CTNNA2: variants seen among roughly 807,000 people sequenced by gnomAD.
CTNNA2 encodes catenin alpha-2.
CTNNA2 carries 42 observed loss-of-function variants against 101.0 expected under a neutral mutation model. The observed-to-expected ratio is 0.42, with a 90% CI of 0.32 to 0.54. The LOEUF is 0.54. Ranked by LOEUF, CTNNA2 falls within the 20% of genes least tolerant of loss-of-function variation. CTNNA2 has a pLI of 0.14. For synonymous variants in CTNNA2, 450 were observed against 456.4 expected (o/e 0.99, Z 0.18); for missense variants, 871 against 1,223.1 (o/e 0.71, Z 4.29).
At chr2:79,537,249 A>G (rs1221736054) in intron 1 of CTNNA2, among the ~76,000 whole-genome samples, 1 of 152,156 alleles carries the variant, frequency 6.6e-6, no homozygotes, top group Non-Finnish European at 1.5e-5. Flanking sequence ...CTAGAAATTA[A>G]CAAGCCCTTG....
chr2:80,303,851 T>A lies in CTNNA2; in HGVS notation c.1057-89360T>A, dbSNP rs1481294140. On this transcript the variant is annotated intron_variant, in intron 7 of 18. Coordinates refer to ENST00000402739, the MANE Select transcript of CTNNA2 (RefSeq NM_001282597.3). The surrounding 1 kb of genome is among the most constrained non-coding windows in gnomAD (Gnocchi z 7.7). ...GAATCTTTCCAGAGAGACTGGAGAA[T>A]GTCCATTGGAAGCGCTCGGTCAGAA... 6.7e-6 allele frequency: 10 copies of A among 1,486,360 alleles called. No homozygotes were observed. The highest frequency in any genetic ancestry group is 9.0e-6 in the Non-Finnish European group (10 of 1,117,294). 92.1% of individuals were successfully genotyped at this position (1,486,360 alleles called of 1,614,324 possible). A position where few individuals can be genotyped will look rare whatever the true frequency, so the allele number is the denominator to read the frequency against.
chr2:79,188,867 C>T (rs1439168495), intron 1 of CTNNA2, among the ~76,000 whole-genome samples: 1 of 152,158 alleles, frequency 6.6e-6, no homozygotes, highest in Non-Finnish European at 1.5e-5. Flanking sequence ...AAATTACCCT[C>T]CACTCCATTG....
chr2:80,272,921 C>A (rs958397001), intron 7 of CTNNA2, among the ~76,000 whole-genome samples: 1 of 152,120 alleles, frequency 6.6e-6, no homozygotes, highest in Non-Finnish European at 1.5e-5. Flanking sequence ...ATTAGAAAAT[C>A]TGAAAGACCA....
At chr2:80,233,333 C>T (rs945052762) in intron 7 of CTNNA2, among the ~76,000 whole-genome samples, 1 of 151,910 alleles carries the variant, frequency 6.6e-6, no homozygotes, top group Admixed American at 6.6e-5. Context: ...GAGCAGATGC[C>T]CCCTGGAAGT....
intron 3 of CTNNA2, among the ~76,000 whole-genome samples, chr2:79,368,905 G>C (rs534258838): frequency 1.6e-4 from 25 of 152,312 alleles, no homozygotes; most frequent in African/African-American, 6.0e-4. Flanking sequence ...TTTTGTTGTT[G>C]TTGTCGTTGT....
chr2:80,254,391 T>G (rs1423243221), intron 7 of CTNNA2, among the ~76,000 whole-genome samples: 2 of 151,888 alleles, frequency 1.3e-5, no homozygotes, highest in Middle Eastern at 3.4e-3. Context: ...GTAGAAAAAA[T>G]AAGAAAGAAA....
intron 2 of CTNNA2, among the ~76,000 whole-genome samples, chr2:79,700,951 A>AT (rs1256374567): frequency 6.6e-6 from 1 of 152,188 alleles, no homozygotes; most frequent in South Asian, 2.1e-4. Context: ...TCTGTTCTCT[A>AT]TTTTTTGTTC....
intron 4 of CTNNA2, among the ~76,000 whole-genome samples, chr2:79,866,072 C>T (rs1385702881): frequency 1.3e-5 from 2 of 152,196 alleles, no homozygotes; most frequent in South Asian, 2.1e-4. Context: ...AAATTAGACA[C>T]TGATTTAATG....
chr2:80,490,271 T>TCCCC lies in CTNNA2; in HGVS notation c.1291-54706_1291-54703dup, dbSNP rs1185906142. Reference sequence around the variant, plus strand: ...TTCAGAGTTGGCATTTTTTTTTCCTTCCCCCCCCACCCCCCCCCCGGTAAA... The same window carrying TCCCC: ...TTCAGAGTTGGCATTTTTTTTTCCTTCCCCCCCCCCCCACCCCCCCCCCGGTAAA... On this transcript the variant is annotated intron_variant, in intron 9 of 18. Coordinates refer to ENST00000402739, the MANE Select transcript of CTNNA2 (RefSeq NM_001282597.3). Among the ~76,000 whole-genome samples, 164 of 51,870 alleles carry TCCCC rather than the reference T, an allele frequency of 3.2e-3. 3 individuals carry two copies. The highest frequency in any genetic ancestry group is 0.016 in the African/African-American group (146 of 9,138). 34.0% of individuals were successfully genotyped at this position (51,870 alleles called of 152,430 possible). A position where few individuals can be genotyped will look rare whatever the true frequency, so the allele number is the denominator to read the frequency against.
At chr2:80,106,612 G>C (rs1227197228) in intron 7 of CTNNA2, among the ~76,000 whole-genome samples, 1 of 152,134 alleles carries the variant, frequency 6.6e-6, no homozygotes, top group African/African-American at 2.4e-5. Context: ...TTCTCTGTAA[G>C]AGGTGGCCCC....
intron 3 of CTNNA2, among the ~76,000 whole-genome samples, chr2:79,775,032 A>C (rs1332561128): frequency 6.6e-6 from 1 of 152,292 alleles, no homozygotes; most frequent in East Asian, 1.9e-4. Context: ...GAGCTTATCT[A>C]GTTGGAACAT....
chr2:79,518,244 G>A (rs888339297), intron 1 of CTNNA2, among the ~76,000 whole-genome samples: 7 of 152,080 alleles, frequency 4.6e-5, no homozygotes, highest in Non-Finnish European at 1.0e-4. Context: ...GGCAGTTTTG[G>A]GGGAAGCCAG....
At chr2:80,158,567 C>G (rs1189678835) in intron 7 of CTNNA2, among the ~76,000 whole-genome samples, 1 of 152,198 alleles carries the variant, frequency 6.6e-6, no homozygotes, top group Non-Finnish European at 1.5e-5. Flanking sequence ...CTCCTTAACC[C>G]TTAACAACCA....
intron 7 of CTNNA2, among the ~76,000 whole-genome samples, chr2:80,222,143 A>T (rs1403862221): frequency 6.6e-6 from 1 of 152,254 alleles, no homozygotes; most frequent in East Asian, 1.9e-4. Context: ...AGGAGTCAGG[A>T]TGAAAAGCAC....
At chr2:79,223,354 C>T (rs1440476140) in intron 2 of CTNNA2, among the ~76,000 whole-genome samples, 3 of 152,166 alleles carry the variant, frequency 2.0e-5, no homozygotes, top group Admixed American at 2.0e-4. Flanking sequence ...TTATAAGCCA[C>T]CCAGTCTATG....
intron 9 of CTNNA2, among the ~76,000 whole-genome samples, chr2:80,491,661 A>G (rs1254966314): frequency 6.6e-6 from 1 of 152,216 alleles, no homozygotes; most frequent in Non-Finnish European, 1.5e-5. Context: ...GCTGTGGTTA[A>G]GAAGCCATTC....
rs1261877234 is a variant in CTNNA2 at position 79,531,683 on chromosome 2, AT to A, written c.-6+18492del. Among the ~76,000 whole-genome samples the A allele has an allele frequency of 3.7e-3, 527 of 142,776 alleles. 1 individual carries two copies. Among genetic ancestry groups the A allele is most frequent in the East Asian group, 0.01 (50 of 4,916 alleles). 93.7% of individuals were successfully genotyped at this position (142,776 alleles called of 152,430 possible). ...TGAGTGGCTAAAATTATGTTAGTAAATTTTTTTTTTTTTTTTGAGACAGAGT... is the reference window on the plus strand; with the variant it reads ...TGAGTGGCTAAAATTATGTTAGTAAATTTTTTTTTTTTTTTGAGACAGAGT... On this transcript the variant is annotated intron_variant, in intron 1 of 18. Transcript: ENST00000402739.
chr2:79,595,982 A>AAT (rs1365012046), intron 1 of CTNNA2, among the ~76,000 whole-genome samples: 8 of 150,696 alleles, frequency 5.3e-5, no homozygotes, highest in Non-Finnish European at 7.4e-5. Context: ...TCTTCTCTTT[A>AAT]ATGCCTACAT....
At chr2:80,605,231 G>C (rs1203007691) in intron 16 of CTNNA2, 2 of 151,926 alleles carry the variant, frequency 1.3e-5, no homozygotes, top group African/African-American at 2.4e-5. Flanking sequence ...TGTTCTAAAT[G>C]TTTTGTTGCA....
Sources: allele counts gnomAD v4.1 joint callset (sites outside exome capture counted in the v4.1 genomes callset), GRCh38; gene constraint gnomAD v4.1.1; non-coding constraint Gnocchi (gnomAD v3.1); transcripts MANE v1.5; gene names NCBI Gene and HGNC (gene_info 2026-07-23, HGNC 2026-07-21).